Variants in NARS2 observed in about 807,000 individuals in gnomAD.
NARS2 encodes the protein asparaginyl-tRNA synthetase.
NARS2 carries 60 observed loss-of-function variants against 62.9 expected under a neutral mutation model. The ratio of observed to expected loss-of-function variants is 0.95; its 90% CI spans 0.77 to 1.18. The LOEUF is 1.18. Among genes scored for constraint, NARS2 ranks in the 50% most tolerant of loss-of-function variants. The probability of loss-of-function intolerance (pLI) is 0.00; values close to 1 mark genes in which losing one functional copy is unlikely to be tolerated. For synonymous variants in NARS2, 196 were observed against 200.0 expected (o/e 0.98, Z 0.17); for missense variants, 619 against 576.4 (o/e 1.07, Z -0.76).
chr11:78,510,705 C>T (rs1860689612), intron 6 of NARS2, among the ~76,000 whole-genome samples: 1 of 152,040 alleles, frequency 6.6e-6, no homozygotes. Flanking sequence ...AAAATGTGTG[C>T]TAGTGGTTAT....
chr11:78,495,808 G>A (rs1860032572), intron 6 of NARS2, among the ~76,000 whole-genome samples: 1 of 152,148 alleles, frequency 6.6e-6, no homozygotes, highest in African/African-American at 2.4e-5. Context: ...CTGTGACTGT[G>A]CCATCTCTAG....
intron 13 of NARS2, among the ~76,000 whole-genome samples, chr11:78,440,349 C>A (rs1262554914): frequency 6.6e-6 from 1 of 152,094 alleles, no homozygotes; most frequent in East Asian, 1.9e-4. Context: ...CAGGCGTGAG[C>A]CACCATGCCC....
intron 4 of NARS2, among the ~76,000 whole-genome samples, chr11:78,564,107 C>T (rs1390916708): frequency 6.6e-6 from 1 of 151,692 alleles, no homozygotes; most frequent in African/African-American, 2.4e-5. Context: ...ACCGTGTTGC[C>T]AGGGCTGGTC....
intron 9 of NARS2, among the ~76,000 whole-genome samples, chr11:78,473,003 C>T (rs1477730581): frequency 1.3e-5 from 2 of 152,158 alleles, no homozygotes; most frequent in Admixed American, 1.3e-4. Flanking sequence ...GCATATCTGA[C>T]TTAACAGTCT....
intron 4 of NARS2, among the ~76,000 whole-genome samples, chr11:78,565,614 A>T (rs1403550914): frequency 6.6e-6 from 1 of 152,220 alleles, no homozygotes; most frequent in Admixed American, 6.5e-5. Context: ...AGAGAGCTGC[A>T]GAGGGCCACC....
chr11:78,485,261 G>A (rs1269245617), intron 7 of NARS2, among the ~76,000 whole-genome samples: 1 of 152,112 alleles, frequency 6.6e-6, no homozygotes, highest in Non-Finnish European at 1.5e-5. Context: ...GGGAGGGAGA[G>A]CATTAGGACA....
At chr11:78,485,260 A>G (rs1859521894) in intron 7 of NARS2, among the ~76,000 whole-genome samples, 1 of 152,108 alleles carries the variant, frequency 6.6e-6, no homozygotes, top group Admixed American at 6.5e-5. Flanking sequence ...GGGGAGGGAG[A>G]GCATTAGGAC....
intron 4 of NARS2, among the ~76,000 whole-genome samples, chr11:78,561,087 T>C (rs1856541749): frequency 6.6e-6 from 1 of 151,722 alleles, no homozygotes; most frequent in Non-Finnish European, 1.5e-5. Flanking sequence ...CTTAGGAAAA[T>C]AACTGAGATT....
At chr11:78,521,139 C>T (rs1421133931) in intron 6 of NARS2, among the ~76,000 whole-genome samples, 3 of 148,234 alleles carry the variant, frequency 2.0e-5, no homozygotes, top group African/African-American at 7.4e-5. Context: ...AACATTATAT[C>T]AATTTGTTTT....
intron 13 of NARS2, among the ~76,000 whole-genome samples, chr11:78,438,189 G>C (rs1239162690): frequency 6.6e-6 from 1 of 151,844 alleles, no homozygotes; most frequent in African/African-American, 2.4e-5. Flanking sequence ...TTAAGTCTAA[G>C]CACTTATCTT....
intron 3 of NARS2, 112 bp from the exon 4 acceptor site, chr11:78,566,384 CTTCTT>C: frequency 1.2e-6 from 1 of 813,714 alleles, no homozygotes; most frequent in South Asian, 2.6e-5. Context: ...AGATCCTTTC[CTTCTT>C]TATTTCTTAA....
rs1590881135 is a variant in NARS2, at chr11:78,571,652, T to C, written c.142-208A>G. 33 of 463,914 alleles carry C rather than the reference T, an allele frequency of 7.1e-5. No individual in the cohort carries two copies. The East Asian group carries it at 1.1e-3, about 15-fold the overall frequency. The allele number at this position is 463,914 out of a possible 1,614,324, so 28.7% of individuals were successfully genotyped here. ...TTTGGTATTCTATCTTTTGTTTTCGTAATAATGCACAACATTTCGAATGGA... is the reference window on the plus strand; with the variant it reads ...TTTGGTATTCTATCTTTTGTTTTCGCAATAATGCACAACATTTCGAATGGA... On this transcript the variant is annotated intron_variant, in intron 1 of 13. Transcript: ENST00000281038.
intron 7 of NARS2, among the ~76,000 whole-genome samples, chr11:78,486,635 A>G (rs1859586169): frequency 6.6e-6 from 1 of 152,244 alleles, no homozygotes; most frequent in Non-Finnish European, 1.5e-5. Flanking sequence ...CAACAAAAAT[A>G]ATTCCATTTC....
chr11:78,571,473 G>T (rs1481828811), intron 1 of NARS2, 29 bp from the exon 2 acceptor site: 2 of 1,507,866 alleles, frequency 1.3e-6, no homozygotes, highest in African/African-American at 2.8e-5. Flanking sequence ...TCCAATGTGA[G>T]CGTAAAACAT....
At position 78,461,751 on chromosome 11, in the gene NARS2, C is replaced by A. The variant is rs564545550; in HGVS notation, c.1164+4125G>T. 2.2e-4 allele frequency among the ~76,000 whole-genome samples: 32 copies of A among 147,890 alleles called. No individual in the cohort carries two copies. In the South Asian group the frequency reaches 5.3e-3, roughly 25 times the overall value. ...TGCCTGAGCTCAGTTTGAGACCAGCCTGGGCAACACTGTGAAATCCCGTAC... is the reference window on the plus strand; with the variant it reads ...TGCCTGAGCTCAGTTTGAGACCAGCATGGGCAACACTGTGAAATCCCGTAC... On this transcript the variant is annotated intron_variant, in intron 11 of 13. Coordinates refer to ENST00000281038, the MANE Select transcript of NARS2 (RefSeq NM_024678.6).
chr11:78,558,219 C>T (rs988042022), intron 5 of NARS2: 1 of 152,176 alleles, frequency 6.6e-6, no homozygotes, highest in African/African-American at 2.4e-5. Context: ...CTAATACCCC[C>T]ACTCTAAATG....
chr11:78,542,060 T>C (rs1035296701), intron 5 of NARS2, among the ~76,000 whole-genome samples: 2 of 152,232 alleles, frequency 1.3e-5, no homozygotes, highest in Non-Finnish European at 2.9e-5. Context: ...TATCTTGGTG[T>C]ACACAGAACT....
At chr11:78,486,355 C>T (rs1405398583) in intron 7 of NARS2, among the ~76,000 whole-genome samples, 1 of 151,928 alleles carries the variant, frequency 6.6e-6, no homozygotes, top group Non-Finnish European at 1.5e-5. Context: ...GAAGGTGACC[C>T]TCTAATTGTG....
At chr11:78,505,060 T>TA (rs1234952046) in intron 6 of NARS2, among the ~76,000 whole-genome samples, 2,198 of 140,524 alleles carry the variant, frequency 0.016, 35 homozygotes, top group African/African-American at 0.042. Context: ...AATTTTGACT[T>TA]AAAAAAAAAA....
Sources: allele counts gnomAD v4.1 joint callset (sites outside exome capture counted in the v4.1 genomes callset), GRCh38; gene constraint gnomAD v4.1.1; transcripts MANE v1.5; gene names NCBI Gene and HGNC (gene_info 2026-07-23, HGNC 2026-07-21).